SGCD: variants seen among roughly 807,000 people sequenced by gnomAD.
SGCD encodes the protein delta-sarcoglycan.
Under a neutral mutation model 36.6 loss-of-function variants are expected in SGCD, and 18 were observed. That is an observed-to-expected ratio of 0.49 (90% CI 0.34 to 0.73). The LOEUF is 0.73. SGCD is among the 30% of genes least tolerant of loss of function. SGCD has a pLI of 0.01. For synonymous variants in SGCD, 133 were observed against 130.6 expected (o/e 1.02, Z -0.12); for missense variants, 387 against 346.7 (o/e 1.12, Z -0.92).
chr5:156,347,027 G>T (rs1017739799), intron 3 of SGCD, among the ~76,000 whole-genome samples: 4 of 152,064 alleles, frequency 2.6e-5, no homozygotes, highest in African/African-American at 4.8e-5. Context: ...TCGATCTCCT[G>T]ACCTCGTAAT....
intron 3 of SGCD, among the ~76,000 whole-genome samples, chr5:156,309,014 A>T (rs1436720661): frequency 6.6e-6 from 1 of 152,080 alleles, no homozygotes; most frequent in Admixed American, 6.6e-5. Context: ...GTTGCTAATA[A>T]ATTTATTGAG....
chr5:156,382,672 G>A (rs1222379128), intron 3 of SGCD, among the ~76,000 whole-genome samples: 2 of 152,138 alleles, frequency 1.3e-5, no homozygotes, highest in African/African-American at 4.8e-5. Flanking sequence ...TCTAAATCTA[G>A]TAGAGGATAT....
chr5:156,430,856 G>A (rs1752976553), intron 3 of SGCD, among the ~76,000 whole-genome samples: 1 of 152,066 alleles, frequency 6.6e-6, no homozygotes, highest in African/African-American at 2.4e-5. Flanking sequence ...TCTTCTTTGG[G>A]GATGAAATGG....
the SGCD span, among the ~76,000 whole-genome samples, chr5:155,786,257 G>T: frequency 6.6e-6 from 1 of 152,194 alleles, no homozygotes; most frequent in African/African-American, 2.4e-5. Context: ...AAGTGATGTT[G>T]TGTTAGCCAT....
At chr5:156,401,350 T>C (rs1163259467) in intron 3 of SGCD, among the ~76,000 whole-genome samples, 1 of 152,212 alleles carries the variant, frequency 6.6e-6, no homozygotes, top group Non-Finnish European at 1.5e-5. Flanking sequence ...TATCATTCAG[T>C]GTTACAATAA....
intron 4 of SGCD, among the ~76,000 whole-genome samples, chr5:156,524,951 A>G (rs529051788): frequency 1.3e-5 from 2 of 152,034 alleles, no homozygotes; most frequent in African/African-American, 2.4e-5. Context: ...GTGTATATAT[A>G]CCATATTTTC....
chr5:156,678,844 A>G (rs1753614447), intron 7 of SGCD, among the ~76,000 whole-genome samples: 1 of 152,190 alleles, frequency 6.6e-6, no homozygotes, highest in South Asian at 2.1e-4. Context: ...TTAGGGTGGG[A>G]GACAGACACC....
chr5:156,551,887 C>T (rs575075875), intron 4 of SGCD, among the ~76,000 whole-genome samples: 1 of 152,278 alleles, frequency 6.6e-6, no homozygotes, highest in South Asian at 2.1e-4. Context: ...TCCTGTTCTT[C>T]TAAGGTCTTA....
chr5:156,071,749 T>A (rs1484449433), intron 1 of SGCD, among the ~76,000 whole-genome samples: 1 of 152,184 alleles, frequency 6.6e-6, no homozygotes, highest in East Asian at 1.9e-4. Context: ...TCTCCCATTA[T>A]TATTGTGTGG....
At chr5:156,584,752 A>G (rs1021907117) in intron 4 of SGCD, among the ~76,000 whole-genome samples, 4 of 152,160 alleles carry the variant, frequency 2.6e-5, no homozygotes, top group African/African-American at 4.8e-5. Context: ...CTATATATCT[A>G]TATGGCCTCC....
At chr5:155,942,348 A>ATCTATCTATCTATCTT (rs1757345344) in intron 1 of SGCD, among the ~76,000 whole-genome samples, 1 of 151,784 alleles carries the variant, frequency 6.6e-6, no homozygotes, top group East Asian at 1.9e-4. Flanking sequence ...CTATCTATCT[A>ATCTATCTATCTATCTT]TCTATCTATC....
At chr5:155,792,420 A>C in the SGCD span, among the ~76,000 whole-genome samples, 3 of 117,132 alleles carry the variant, frequency 2.6e-5, no homozygotes, top group Non-Finnish European at 3.5e-5. Context: ...TAAACTAAAG[A>C]GTTTCTACAT....
chr5:156,393,738 A>G (rs962703797), intron 3 of SGCD: 92 of 456,170 alleles, frequency 2.0e-4, no homozygotes, highest in Non-Finnish European at 3.2e-4. Context: ...TCTTACTGCA[A>G]TGTTTGACAT....
At chr5:155,782,531 G>T in the SGCD span, among the ~76,000 whole-genome samples, 1 of 152,140 alleles carries the variant, frequency 6.6e-6, no homozygotes, top group Admixed American at 6.6e-5. Flanking sequence ...AACTGTCTCA[G>T]GGGGGTGACA....
rs76296101 is a variant in SGCD, at chr5:156,754,646, C to G, written c.576-2935C>G. On this transcript the variant is annotated intron_variant, in intron 7 of 8. Transcript: ENST00000337851. ...GGAGTCCACTAAATTGAATTCAAATCTTGGCTCTGCCATTTTACTAGGAGT... is the reference window on the plus strand; with the variant it reads ...GGAGTCCACTAAATTGAATTCAAATGTTGGCTCTGCCATTTTACTAGGAGT... 9.1e-3 allele frequency among the ~76,000 whole-genome samples: 1,382 copies of G among 152,290 alleles called. 7 individuals carry two copies. Among genetic ancestry groups the G allele is most frequent in the Non-Finnish European group, 0.012 (787 of 68,022 alleles).
At chr5:156,464,512 GC>G (rs1405226222) in intron 3 of SGCD, among the ~76,000 whole-genome samples, 2 of 152,102 alleles carry the variant, frequency 1.3e-5, no homozygotes, top group Non-Finnish European at 2.9e-5. Flanking sequence ...GAGCCACCAT[GC>G]CCGGCCTTGA....
intron 7 of SGCD, among the ~76,000 whole-genome samples, chr5:156,670,563 A>G (rs1335855197): frequency 6.6e-6 from 1 of 152,058 alleles, no homozygotes; most frequent in Non-Finnish European, 1.5e-5. Flanking sequence ...GTTTTATTCC[A>G]CTTATAACCT....
chr5:156,570,154 TTA>T (rs899488930), intron 4 of SGCD, among the ~76,000 whole-genome samples: 3 of 152,230 alleles, frequency 2.0e-5, no homozygotes, highest in Non-Finnish European at 2.9e-5. Context: ...TCATTTTTAA[TTA>T]TCTTTTTAAT....
intron 3 of SGCD, among the ~76,000 whole-genome samples, chr5:156,273,329 A>G (rs1050770028): frequency 3.3e-5 from 5 of 152,216 alleles, no homozygotes; most frequent in African/African-American, 9.6e-5. Flanking sequence ...GAAAGAACAA[A>G]AACTGCAATA....
Sources: gnomAD v4.1 joint callset for allele counts (sites outside exome capture counted in the v4.1 genomes callset) on GRCh38, gnomAD v4.1.1 for gene constraint, MANE v1.5 for transcripts, NCBI Gene and HGNC (gene_info 2026-07-23, HGNC 2026-07-21) for gene names.